PLXNA2: variants seen among roughly 807,000 people sequenced by gnomAD.
The protein encoded by PLXNA2 is plexin A2.
A neutral mutation model predicts 193.5 loss-of-function variants in PLXNA2; 91 were observed. The ratio of observed to expected loss-of-function variants is 0.47; its 90% CI spans 0.40 to 0.56. The LOEUF (loss-of-function observed/expected upper bound fraction) is 0.56, where lower values mean the gene tolerates loss of function less well. Among genes scored for constraint, PLXNA2 ranks in the 20% least tolerant of loss-of-function variants. The pLI is 0.00. For synonymous variants in PLXNA2, 997 were observed against 1,027.3 expected, an observed-to-expected ratio of 0.97 and a Z score of 0.56; for missense variants, 1,995 against 2,503.2, an observed-to-expected ratio of 0.80 and a Z score of 4.33.
At chr1:208,165,758 A>G (rs1164664286) in intron 3 of PLXNA2, among the ~76,000 whole-genome samples, 1 of 152,260 alleles carries the variant, frequency 6.6e-6, no homozygotes, top group East Asian at 1.9e-4. Context: ...TCACCTCAGA[A>G]CTACAGAGTT....
intron 12 of PLXNA2, among the ~76,000 whole-genome samples, chr1:208,064,523 C>G (rs546964486): frequency 6.6e-6 from 1 of 152,314 alleles, no homozygotes; most frequent in East Asian, 1.9e-4. Flanking sequence ...AATCCCTGAG[C>G]CTTTGGACAT....
rs1670894945 is a variant in PLXNA2, at chr1:208,210,305, C to T, written c.1346G>A (p.Gly449Glu). ...CTTTTTCAGCTTGCCACTCTTAGTC[C>T]CCACAAAAACCACGCTGTAGCCGTT... ...VYNGYSVVFV[G>E]TKSGKLKKIR... Residue 449 changes from glycine to glutamate, a missense_variant, in exon 3 of 32, where the codon GGG becomes GAG. By Grantham distance (98) the Gly-to-Glu change is moderately conservative. Transcript: ENST00000367033. The T allele has an allele frequency of 6.2e-7, 1 of 1,613,708 alleles. No homozygotes were observed. Among genetic ancestry groups the T allele is most frequent in the Admixed American group, 1.7e-5 (1 of 59,960 alleles).
At chr1:208,147,630 C>T (rs1437098935) in intron 3 of PLXNA2, among the ~76,000 whole-genome samples, 3 of 152,168 alleles carry the variant, frequency 2.0e-5, no homozygotes, top group Admixed American at 1.3e-4. Flanking sequence ...ATTTTAAATC[C>T]CATTTTATAG....
At chr1:208,076,072 A>G (rs1666137690) in intron 12 of PLXNA2, among the ~76,000 whole-genome samples, 1 of 151,502 alleles carries the variant, frequency 6.6e-6, no homozygotes, top group Non-Finnish European at 1.5e-5. Flanking sequence ...AAAAAAAAAA[A>G]AAAAGTTAAA....
At chr1:208,032,173 G>A (rs1664524755) in intron 28 of PLXNA2, 1 of 983,868 alleles carries the variant, frequency 1.0e-6, no homozygotes, top group Admixed American at 6.1e-5. Context: ...GACCAGGAGA[G>A]TCTGTTAGGA....
intron 3 of PLXNA2, among the ~76,000 whole-genome samples, chr1:208,200,410 C>T (rs952279128): frequency 3.3e-5 from 5 of 152,088 alleles, no homozygotes; most frequent in African/African-American, 4.8e-5. Flanking sequence ...TTGGGCTACA[C>T]AAGTGACTTA....
At chr1:208,091,884 G>A (rs1043396858) in intron 9 of PLXNA2, among the ~76,000 whole-genome samples, 26 of 124,728 alleles carry the variant, frequency 2.1e-4, no homozygotes, top group Non-Finnish European at 4.1e-4. Flanking sequence ...AAAAAAAAAA[G>A]ACTGTAGTTG....
chr1:208,237,329 A>G (rs986773165), intron 1 of PLXNA2, among the ~76,000 whole-genome samples: 1 of 152,220 alleles, frequency 6.6e-6, no homozygotes, highest in Non-Finnish European at 1.5e-5. Context: ...AGATAAGAGT[A>G]GATGCATAAT....
intron 6 of PLXNA2, among the ~76,000 whole-genome samples, chr1:208,097,253 G>A (rs1411370848): frequency 4.6e-5 from 7 of 152,176 alleles, no homozygotes; most frequent in African/African-American, 1.2e-4. Context: ...GTCCTGAGCC[G>A]AGCCCTTCAC....
Position 208,031,113 on chromosome 1 carries a change from G to A in PLXNA2, c.5225+477C>T, listed in dbSNP as rs747085675. On this transcript the variant is annotated intron_variant, in intron 29 of 31. Transcript: ENST00000367033. ...TATAGCAGGTGTGAACTCCCTCTCC[G>A]GTGCTGACCAACTTCACCGGGCGTC... is the stretch of plus-strand genomic sequence containing the variant. 260 of 998,432 alleles carry A rather than the reference G, an allele frequency of 2.6e-4. 1 individual carries two copies. Among genetic ancestry groups the A allele is most frequent in the Non-Finnish European group, 2.9e-4 (242 of 836,752 alleles). 61.8% of individuals were successfully genotyped at this position (998,432 alleles called of 1,614,324 possible).
intron 4 of PLXNA2, among the ~76,000 whole-genome samples, chr1:208,133,404 T>C (rs1042756102): frequency 1.1e-4 from 16 of 152,236 alleles, no homozygotes; most frequent in Non-Finnish European, 2.2e-4. Flanking sequence ...AATAGTGCTA[T>C]TGTTGCATTG....
intron 17 of PLXNA2, among the ~76,000 whole-genome samples, chr1:208,050,721 C>G (rs1665229763): frequency 6.6e-6 from 1 of 151,862 alleles, no homozygotes; most frequent in Non-Finnish European, 1.5e-5. Flanking sequence ...CCTAGCTACT[C>G]AGGAGGTTGA....
At chr1:208,072,575 G>A (rs1437754772) in intron 12 of PLXNA2, among the ~76,000 whole-genome samples, 1 of 152,162 alleles carries the variant, frequency 6.6e-6, no homozygotes, top group African/African-American at 2.4e-5. Flanking sequence ...AGGGAATCCA[G>A]CTTTCACTTT....
intron 3 of PLXNA2, among the ~76,000 whole-genome samples, chr1:208,207,121 T>G (rs2102593360): frequency 6.6e-6 from 1 of 152,326 alleles, no homozygotes; most frequent in East Asian, 1.9e-4. Context: ...TTCTCCCACC[T>G]CAGCCTCCCA....
rs1343678415 is a variant in PLXNA2, at chr1:208,052,320, A to G, written c.2993+7T>C. 1.2e-6 allele frequency: 2 copies of G among 1,611,832 alleles called. No individual in the cohort carries two copies. The highest frequency in any genetic ancestry group is 1.7e-6 in the Non-Finnish European group (2 of 1,179,940). On this transcript the variant is annotated splice_region_variant and intron_variant, in intron 15 of 31. Coordinates refer to ENST00000367033, the MANE Select transcript of PLXNA2 (RefSeq NM_025179.4). Reference sequence around the variant, plus strand: ...AGTCTTCTGGTGGCCCTTCAAGTTTATCTCACCCGTAGAACTCGCAGGTCT... The same window carrying G: ...AGTCTTCTGGTGGCCCTTCAAGTTTGTCTCACCCGTAGAACTCGCAGGTCT...
intron 29 of PLXNA2, 160 bp downstream of exon 29, chr1:208,031,430 T>TGCAGAG (rs1664499712): frequency 1.1e-5 from 15 of 1,307,292 alleles, no homozygotes; most frequent in Non-Finnish European, 1.3e-5. Flanking sequence ...CCGTGTGGGC[T>TGCAGAG]CTGCAGAGCA....
chr1:208,136,617 G>A (rs1372418428), intron 4 of PLXNA2, among the ~76,000 whole-genome samples: 1 of 152,172 alleles, frequency 6.6e-6, no homozygotes, highest in African/African-American at 2.4e-5. Context: ...GTATATTGAG[G>A]GGAGCGGGAC....
rs1399397699 is a variant in PLXNA2, at chr1:208,112,872, A to G, written c.1507-9625T>C. The stretch of plus-strand genomic sequence containing the variant: ...GGCAAGGTAAAACTACAAAGAGGGT[A>G]GGAAATCTTATGGGCAAGGCAGATA... On this transcript the variant is annotated intron_variant, in intron 4 of 31. Coordinates refer to ENST00000367033, the MANE Select transcript of PLXNA2 (RefSeq NM_025179.4). Among the ~76,000 whole-genome samples, 4 of 152,152 alleles carry G rather than the reference A, an allele frequency of 2.6e-5. No individual in the cohort carries two copies. In the East Asian group the frequency reaches 7.7e-4, roughly 29 times the overall value.
At chr1:208,046,183 C>T (rs1002773660) in intron 17 of PLXNA2, 66 bp from the exon 18 acceptor site, 19 of 1,531,762 alleles carry the variant, frequency 1.2e-5, no homozygotes, top group African/African-American at 5.5e-5. Flanking sequence ...GGCCCACAGC[C>T]GCTCTCCCAC....
Sources: allele counts gnomAD v4.1 joint callset (sites outside exome capture counted in the v4.1 genomes callset), GRCh38; gene constraint gnomAD v4.1.1; transcripts MANE v1.5; gene names NCBI Gene and HGNC (gene_info 2026-07-23, HGNC 2026-07-21).